ITPKB: variants seen among roughly 807,000 people sequenced by gnomAD.
ITPKB encodes inositol-trisphosphate 3-kinase B, also known as IP3 3-kinase B.
In ITPKB, 13 loss-of-function variants were observed where a neutral mutation model predicts 69.4. That is an observed-to-expected ratio of 0.19 (90% CI 0.12 to 0.30). The LOEUF (loss-of-function observed/expected upper bound fraction) is 0.30, where lower values mean the gene tolerates loss of function less well. Ranked by LOEUF, ITPKB falls within the 10% of genes least tolerant of loss-of-function variation. The probability of loss-of-function intolerance (pLI) is 1.00; values close to 1 mark genes in which losing one functional copy is unlikely to be tolerated. For missense variants in ITPKB, 1,240 were observed against 1,250.5 expected (o/e 0.99, Z 0.13); for synonymous variants, 584 against 513.7 (o/e 1.14, Z -1.85).
At chr1:226,677,324 G>A (rs928007234) in intron 2 of ITPKB, among the ~76,000 whole-genome samples, 6 of 152,216 alleles carry the variant, frequency 3.9e-5, no homozygotes, top group Middle Eastern at 3.2e-3. Context: ...ACCCAGGCAC[G>A]ATGCCACCAG....
In ITPKB at chr1:226,735,608, C is replaced by T; in HGVS notation, c.1851G>A (p.Glu617=). ...GFSSSYEDSE[E]DISSDPERTL... is the part of the protein sequence containing the mutation. ...TGCGCTCAGGGTCACTGGAGATGTC[C>T]TCCTCTGAGTCTTCGTAGGATGAGG... The change falls in exon 2 of 8, where the codon GAG becomes GAA. Residue 617 remains glutamate, a synonymous_variant. Coordinates refer to ENST00000429204, the MANE Select transcript of ITPKB (RefSeq NM_002221.4). 6.2e-7 allele frequency: 1 copy of T among 1,605,498 alleles called. No individual in the cohort carries two copies. Among genetic ancestry groups the T allele is most frequent in the Non-Finnish European group, 8.5e-7 (1 of 1,175,764 alleles).
chr1:226,640,722 T>C (rs1668944944), intron 5 of ITPKB, among the ~76,000 whole-genome samples: 2 of 152,084 alleles, frequency 1.3e-5, no homozygotes, highest in South Asian at 4.2e-4. Flanking sequence ...GTACGGAATT[T>C]GCATCCAGTC....
intron 2 of ITPKB, among the ~76,000 whole-genome samples, chr1:226,689,863 A>G (rs142664110): frequency 2.2e-4 from 33 of 152,214 alleles, no homozygotes; most frequent in African/African-American, 7.9e-4. Context: ...AATAACATGC[A>G]GTATTTGGTT....
In ITPKB at chr1:226,637,532, C is replaced by G. The variant is rs1157026421; in HGVS notation, c.2625+147G>C. 6.1e-6 allele frequency: 4 copies of G among 654,918 alleles called. No homozygotes were observed. The highest frequency in any genetic ancestry group is 5.5e-6 in the Non-Finnish European group (2 of 362,790). The allele number at this position is 654,918 out of a possible 1,614,324, so 40.6% of individuals were successfully genotyped here. A position where few individuals can be genotyped will look rare whatever the true frequency, so the allele number is the denominator to read the frequency against. ...AGGAAGCATTGAGACGCAGCTCCCC[C>G]GTGCAGCGAGGGTCTGGTCCCTGAT... On this transcript the variant is annotated intron_variant, in intron 7 of 7. Transcript: ENST00000429204. The surrounding 1 kb of genome is among the most constrained non-coding windows in gnomAD (Gnocchi z 4.3).
intron 2 of ITPKB, among the ~76,000 whole-genome samples, chr1:226,669,419 C>A (rs1407475051): frequency 6.6e-6 from 1 of 151,988 alleles, no homozygotes. Flanking sequence ...AAAATGTACT[C>A]CTGGTGTAAA....
chr1:226,677,122 C>T (rs2102771006), intron 2 of ITPKB, among the ~76,000 whole-genome samples: 1 of 152,274 alleles, frequency 6.6e-6, no homozygotes, highest in East Asian at 1.9e-4. Context: ...AAAGGCATCC[C>T]CATCATCCTT....
At chr1:226,672,340 G>C (rs1249292625) in intron 2 of ITPKB, among the ~76,000 whole-genome samples, 1 of 152,158 alleles carries the variant, frequency 6.6e-6, no homozygotes, top group African/African-American at 2.4e-5. Flanking sequence ...ACATATGCTT[G>C]ACACCATCAC....
At chr1:226,667,874 G>C (rs1169327253) in intron 2 of ITPKB, among the ~76,000 whole-genome samples, 2 of 152,092 alleles carry the variant, frequency 1.3e-5, no homozygotes, top group East Asian at 1.9e-4. Context: ...GTGCGAAGTG[G>C]AGGTTGGTAT....
At chr1:226,643,010 A>G (rs755886487) in intron 4 of ITPKB, among the ~76,000 whole-genome samples, 7 of 152,158 alleles carry the variant, frequency 4.6e-5, no homozygotes, top group Non-Finnish European at 1.0e-4. Flanking sequence ...CATCCCAGAG[A>G]CATGCCTGGT....
chr1:226,713,030 C>T (rs560305840), intron 2 of ITPKB, among the ~76,000 whole-genome samples: 2 of 152,172 alleles, frequency 1.3e-5, no homozygotes, highest in South Asian at 4.1e-4. Context: ...CGTAAACACA[C>T]ACTGCACACT....
intron 2 of ITPKB, among the ~76,000 whole-genome samples, chr1:226,657,628 T>C (rs1669321377): frequency 6.6e-6 from 1 of 152,218 alleles, no homozygotes; most frequent in Admixed American, 6.5e-5. Context: ...ACGTTACATG[T>C]CTAACATAGT....
intron 2 of ITPKB, among the ~76,000 whole-genome samples, chr1:226,703,587 G>T (rs1656728931): frequency 1.3e-5 from 2 of 152,200 alleles, no homozygotes; most frequent in Admixed American, 6.5e-5. Context: ...CCGTCTCCCG[G>T]CATGCTCGGC....
At chr1:226,671,774 T>A (rs549662200) in intron 2 of ITPKB, among the ~76,000 whole-genome samples, 165 of 152,064 alleles carry the variant, frequency 1.1e-3, no homozygotes, top group Non-Finnish European at 1.9e-3. Flanking sequence ...GAGGGAGCGG[T>A]CAAGTGCACA....
intron 2 of ITPKB, among the ~76,000 whole-genome samples, chr1:226,701,612 A>C (rs1656641454): frequency 1.3e-5 from 2 of 148,148 alleles, no homozygotes; most frequent in Admixed American, 6.7e-5. Context: ...TCAAAAAAAA[A>C]AAAAAAAAAA....
intron 2 of ITPKB, among the ~76,000 whole-genome samples, chr1:226,699,855 T>G (rs898792781): frequency 6.6e-6 from 1 of 152,082 alleles, no homozygotes; most frequent in African/African-American, 2.4e-5. Flanking sequence ...GTTTATTAAG[T>G]ATTAACTCAC....
rs538173811 is a variant in ITPKB at position 226,637,823 on chromosome 1, T to A, written c.2554-73A>T. On this transcript the variant is annotated intron_variant, in intron 6 of 7. Transcript: ENST00000429204. This position sits in a 1 kb window ranked among gnomAD's most constrained non-coding sequence, Gnocchi z 4.3. ...GCAGTGTCAGAACACCCATGCGGCC[T>A]CTAGTGGTCCCTCCCGTGAATGTGC... The A allele has an allele frequency of 9.0e-7, 1 of 1,117,312 alleles. No individual in the cohort carries two copies. Among genetic ancestry groups the A allele is most frequent in the Non-Finnish European group, 1.3e-6 (1 of 741,712 alleles). 69.2% of individuals were successfully genotyped at this position (1,117,312 alleles called of 1,614,324 possible). A position where few individuals can be genotyped will look rare whatever the true frequency, so the allele number is the denominator to read the frequency against.
intron 2 of ITPKB, among the ~76,000 whole-genome samples, chr1:226,730,995 A>G (rs1158644999): frequency 6.6e-6 from 1 of 152,242 alleles, no homozygotes; most frequent in African/African-American, 2.4e-5. Flanking sequence ...CTTGAGCTGT[A>G]TGTTTTGCAA....
intron 2 of ITPKB, among the ~76,000 whole-genome samples, chr1:226,702,095 C>A (rs1656682121): frequency 2.0e-5 from 3 of 152,076 alleles, no homozygotes; most frequent in Non-Finnish European, 2.9e-5. Context: ...ATTATTCCCC[C>A]AAGAGAAAAG....
intron 2 of ITPKB, among the ~76,000 whole-genome samples, chr1:226,725,353 C>T (rs1212797681): frequency 2.0e-5 from 3 of 152,010 alleles, no homozygotes; most frequent in Admixed American, 2.0e-4. Flanking sequence ...GGGCAGCCAC[C>T]CGAAGGGAAA....
Sources: gnomAD v4.1 joint callset for allele counts (sites outside exome capture counted in the v4.1 genomes callset) on GRCh38, gnomAD v4.1.1 for gene constraint, Gnocchi (gnomAD v3.1) non-coding constraint, MANE v1.5 for transcripts, NCBI Gene and HGNC (gene_info 2026-07-23, HGNC 2026-07-21) for gene names.